Variants in GPR158 observed in about 807,000 individuals in gnomAD.
The protein encoded by GPR158 is metabotropic glycine receptor.
In GPR158, 30 loss-of-function variants were observed where a neutral mutation model predicts 78.2. That is an observed-to-expected ratio of 0.38 (90% confidence interval 0.29 to 0.52). The LOEUF (loss-of-function observed/expected upper bound fraction) is 0.52. Ranked by LOEUF, GPR158 falls within the 20% of genes least tolerant of loss-of-function variation. GPR158 has a pLI of 0.83. For missense variants in GPR158, 1,463 were observed against 1,523.5 expected (o/e 0.96, Z 0.66); for synonymous variants, 581 against 591.1 (o/e 0.98, Z 0.25).
chr10:25,375,477 A>G (rs1454897901), intron 2 of GPR158, among the ~76,000 whole-genome samples: 2 of 151,258 alleles, frequency 1.3e-5, no homozygotes, highest in East Asian at 1.9e-4. Flanking sequence ...TTTTTTTTCT[A>G]CAATTCTTAT....
chr10:25,575,905 T>C (rs763104300), intron 7 of GPR158, among the ~76,000 whole-genome samples: 26 of 152,254 alleles, frequency 1.7e-4, no homozygotes, highest in Admixed American at 3.3e-4. Flanking sequence ...CTTCATATTA[T>C]CTAAGGTAAC....
chr10:25,403,257 C>CA (rs1247554495), intron 3 of GPR158, among the ~76,000 whole-genome samples: 1 of 151,490 alleles, frequency 6.6e-6, no homozygotes, highest in African/African-American at 2.4e-5. Flanking sequence ...TTTTTCTTGT[C>CA]AATGAAATAA....
chr10:25,209,734 G>A (rs1411069331), intron 1 of GPR158, among the ~76,000 whole-genome samples: 1 of 152,188 alleles, frequency 6.6e-6, no homozygotes, highest in African/African-American at 2.4e-5. Context: ...TGTGACTTAA[G>A]TTTTAATTGT....
chr10:25,325,468 T>TAC (rs3054025), intron 2 of GPR158, among the ~76,000 whole-genome samples: 11,500 of 150,144 alleles, frequency 0.077, 523 homozygotes, highest in African/African-American at 0.13. Context: ...TATATATAAT[T>TAC]ACACACACAC....
At chr10:25,300,980 A>C (rs145272201) in intron 2 of GPR158, among the ~76,000 whole-genome samples, 2,198 of 152,266 alleles carry the variant, frequency 0.014, 52 homozygotes, top group African/African-American at 0.05. Flanking sequence ...TTTCATGTGG[A>C]GGCTGAGACT....
intron 5 of GPR158, among the ~76,000 whole-genome samples, chr10:25,484,999 AC>A (rs1192543794): frequency 6.6e-6 from 1 of 152,098 alleles, no homozygotes; most frequent in Non-Finnish European, 1.5e-5. Context: ...CTATTAGCAG[AC>A]GACTAATACT....
At chr10:25,425,816 C>T (rs10764548) in intron 4 of GPR158, among the ~76,000 whole-genome samples, 106,351 of 151,986 alleles carry the variant, frequency 0.7, 38,219 homozygotes, top group Non-Finnish European at 0.8. Flanking sequence ...TATCCAGCTT[C>T]CTTTTTCTAT....
At chr10:25,410,651 C>T (rs1834570761) in intron 3 of GPR158, among the ~76,000 whole-genome samples, 1 of 152,050 alleles carries the variant, frequency 6.6e-6, no homozygotes, top group East Asian at 1.9e-4. Context: ...CTCATTTAGT[C>T]CCACAGCAAT....
chr10:25,583,962 AAAG>A (rs1214973540), intron 7 of GPR158, among the ~76,000 whole-genome samples: 2 of 152,162 alleles, frequency 1.3e-5, no homozygotes, highest in Non-Finnish European at 2.9e-5. Flanking sequence ...CTTCAGTGTC[AAAG>A]AACTTATACT....
At chr10:25,297,395 T>C (rs1854531125) in intron 2 of GPR158, among the ~76,000 whole-genome samples, 1 of 151,908 alleles carries the variant, frequency 6.6e-6, no homozygotes, top group East Asian at 1.9e-4. Flanking sequence ...CATAAGCAAA[T>C]GAGTGAATCA....
chr10:25,273,945 T>C (rs1013171130), intron 2 of GPR158, among the ~76,000 whole-genome samples: 6 of 152,164 alleles, frequency 3.9e-5, no homozygotes, highest in African/African-American at 1.4e-4. Flanking sequence ...CCCAAAGTAC[T>C]AGGATTACAG....
intron 4 of GPR158, among the ~76,000 whole-genome samples, chr10:25,416,546 A>G (rs1215552868): frequency 1.3e-5 from 2 of 152,156 alleles, no homozygotes; most frequent in Non-Finnish European, 2.9e-5. Flanking sequence ...TTGATCATGA[A>G]GTCATTAGGG....
chr10:25,213,462 A>G (rs1242396181), intron 1 of GPR158, among the ~76,000 whole-genome samples: 4 of 152,162 alleles, frequency 2.6e-5, no homozygotes, highest in African/African-American at 9.7e-5. Context: ...TCATTCTGAT[A>G]TATATTCCAC....
At chr10:25,565,826 G>T (rs1198071377) in intron 6 of GPR158, among the ~76,000 whole-genome samples, 2 of 152,082 alleles carry the variant, frequency 1.3e-5, no homozygotes, top group Non-Finnish European at 2.9e-5. Context: ...TAGAGACAGG[G>T]GACCGAGGGC....
At chr10:25,407,738 C>T (rs544030214) in intron 3 of GPR158, among the ~76,000 whole-genome samples, 2 of 152,258 alleles carry the variant, frequency 1.3e-5, no homozygotes, top group South Asian at 2.1e-4. Context: ...TCAAACTCTG[C>T]GTGCAGCCAT....
chr10:25,248,956 G>A (rs1480627047), intron 2 of GPR158, among the ~76,000 whole-genome samples: 2 of 150,648 alleles, frequency 1.3e-5, no homozygotes, highest in Non-Finnish European at 2.9e-5. Flanking sequence ...AGCATGGAAT[G>A]TTCTTCCATT....
intron 2 of GPR158, among the ~76,000 whole-genome samples, chr10:25,329,975 G>A (rs540368099): frequency 6.6e-6 from 1 of 151,048 alleles, no homozygotes; most frequent in South Asian, 2.1e-4. Context: ...GGTCTCTGGA[G>A]ATTTCTACTC....
chr10:25,470,611 T>C (rs751477593), intron 5 of GPR158, among the ~76,000 whole-genome samples: 4 of 152,318 alleles, frequency 2.6e-5, no homozygotes, highest in South Asian at 4.1e-4. Flanking sequence ...TTTTCTAGCA[T>C]AGAGTTATGC....
At chr10:25,506,202 C>G (rs1474274687) in intron 5 of GPR158, among the ~76,000 whole-genome samples, 1 of 152,206 alleles carries the variant, frequency 6.6e-6, no homozygotes, top group Non-Finnish European at 1.5e-5. Flanking sequence ...TAAAAGTAAC[C>G]ATCAAGGAGG....
Sources: allele counts gnomAD v4.1 joint callset (sites outside exome capture counted in the v4.1 genomes callset), GRCh38; gene constraint gnomAD v4.1.1; transcripts MANE v1.5; gene names NCBI Gene and HGNC (gene_info 2026-07-23, HGNC 2026-07-21).